NCOA4: variants seen among roughly 807,000 people sequenced by gnomAD.
NCOA4 encodes the protein 70 kDa AR-activator.
Under a neutral mutation model 69.5 loss-of-function variants are expected in NCOA4, and 31 were observed. The ratio of observed to expected loss-of-function variants is 0.45; its 90% CI spans 0.34 to 0.60. The LOEUF is 0.60. Ranked by LOEUF, NCOA4 falls within the 20% of genes least tolerant of loss-of-function variation. The pLI, the probability that NCOA4 is intolerant of heterozygous loss-of-function variation, is 0.02. For missense variants in NCOA4, 600 were observed against 719.2 expected (o/e 0.83, Z 1.90); for synonymous variants, 228 against 252.4 (o/e 0.90, Z 0.92).
chr10:46,015,114 C>T lies in NCOA4; in HGVS notation c.282+12G>A. 6.2e-7 allele frequency: 1 copy of T among 1,614,164 alleles called. No individual in the cohort carries two copies. Among genetic ancestry groups the T allele is most frequent in the Non-Finnish European group, 8.5e-7 (1 of 1,180,022 alleles). On this transcript the variant is annotated intron_variant, in intron 3 of 9. Coordinates refer to ENST00000581486, the MANE Select transcript of NCOA4 (RefSeq NM_001145263.2). ...CATGCTCAAACCAATTCTAGCCATG[C>T]AGTCACCTTACCGAGTAGAGCTGCT...
At chr10:46,020,347 A>AC (rs1839801346) in intron 1 of NCOA4, among the ~76,000 whole-genome samples, 2 of 152,138 alleles carry the variant, frequency 1.3e-5, no homozygotes, top group South Asian at 4.1e-4. Flanking sequence ...AAAAAGGGAG[A>AC]CAAGGATGGT....
At chr10:46,017,036 A>G (rs1169529385) in intron 1 of NCOA4, among the ~76,000 whole-genome samples, 1 of 152,242 alleles carries the variant, frequency 6.6e-6, no homozygotes, top group Non-Finnish European at 1.5e-5. Context: ...TAACACACAT[A>G]TAGTCATATG....
In NCOA4 at chr10:46,010,508, A is replaced by T. The variant is rs782574130; in HGVS notation, c.1413T>A (p.Thr471=). The T allele has an allele frequency of 1.2e-6, 2 of 1,614,014 alleles. No individual in the cohort carries two copies. Among genetic ancestry groups the T allele is most frequent in the Non-Finnish European group, 1.7e-6 (2 of 1,180,044 alleles). ...LCPRKEVIEQ[T]KAPKAMTPSR... is the part of the protein sequence containing the mutation. ...AAGGAGTCATTGCCTTTGGTGCTTT[A>T]GTTTGTTCTATTACTTCTTTTCTAG... Residue 471 remains threonine (T), a synonymous_variant, in exon 8 of 10, where the codon ACT becomes ACA. Coordinates refer to ENST00000581486, the MANE Select transcript of NCOA4 (RefSeq NM_001145263.2).
At chr10:46,015,102 A>G (rs1554922822) in intron 3 of NCOA4, 24 bp downstream of exon 3, 1 of 1,614,088 alleles carries the variant, frequency 6.2e-7, no homozygotes, top group Admixed American at 1.7e-5. Flanking sequence ...GCTCAAACCA[A>G]TTCTAGCCAT....
chr10:46,007,673 G>A (rs1347622994), intron 9 of NCOA4, among the ~76,000 whole-genome samples: 1 of 140,786 alleles, frequency 7.1e-6, no homozygotes, highest in Non-Finnish European at 1.5e-5. Context: ...GCACACTGCA[G>A]CCTTGACCTC....
chr10:46,025,731 T>C lies in NCOA4; in HGVS notation c.-15+4795A>G, dbSNP rs147320445. Among the ~76,000 whole-genome samples the C allele has an allele frequency of 2.3e-3, 345 of 151,040 alleles. 4 individuals are homozygous for C. Among genetic ancestry groups the C allele is most frequent in the African/African-American group, 7.9e-3 (328 of 41,410 alleles). ...CTCACTCCTCAATACTTTTGGCCAA[T>C]AGAGTTGGCTGCTCCCTCCTGCATT... On this transcript the variant is annotated intron_variant, in intron 1 of 9. Coordinates refer to ENST00000581486, the MANE Select transcript of NCOA4 (RefSeq NM_001145263.2).
rs1554922272 is a variant in NCOA4, at chr10:46,013,546, T to C, written c.570+4A>G. ...CAATTACCAAAAACAAAATGATATT[T>C]TACCTGCTCTGGCATGGAGATACAG... On this transcript the variant is annotated splice_donor_region_variant and intron_variant, in intron 6 of 9. Coordinates refer to ENST00000581486, the MANE Select transcript of NCOA4 (RefSeq NM_001145263.2). 6.2e-7 allele frequency: 1 copy of C among 1,601,178 alleles called. No individual in the cohort carries two copies. Among genetic ancestry groups the C allele is most frequent in the Non-Finnish European group, 8.6e-7 (1 of 1,169,566 alleles).
At chr10:46,014,688 T>TA (rs1839432859) in intron 4 of NCOA4, 136 bp from the exon 5 acceptor site, 8 of 769,286 alleles carry the variant, frequency 1.0e-5, no homozygotes, top group Non-Finnish European at 1.7e-5. Context: ...ATAGATGGCT[T>TA]ATTCATGTAT....
At chr10:46,007,203 A>G (rs1554919998) in intron 9 of NCOA4, among the ~76,000 whole-genome samples, 1 of 152,232 alleles carries the variant, frequency 6.6e-6, no homozygotes, top group East Asian at 1.9e-4. Flanking sequence ...TGGTCTCTAT[A>G]GGAGATCAAA....
At chr10:46,016,392 A>G (rs782196661) in intron 2 of NCOA4, 148 bp downstream of exon 2, 4 of 579,470 alleles carry the variant, frequency 6.9e-6, no homozygotes, top group African/African-American at 1.9e-5. Flanking sequence ...AGGCACCAGT[A>G]TATCAGGCAA....
rs143821997 is a variant in NCOA4 at position 46,022,410 on chromosome 10, A to G, written c.-14-5716T>C. ...AAAAATATTTTGCAATTTTACCTTGAGACTTTTTTCACTTCACACGTTCTT... is the reference window on the plus strand; with the variant it reads ...AAAAATATTTTGCAATTTTACCTTGGGACTTTTTTCACTTCACACGTTCTT... On this transcript the variant is annotated intron_variant, in intron 1 of 9. Transcript: ENST00000581486. The G allele has an allele frequency of 2.9e-5, 13 of 452,998 alleles. No individual in the cohort carries two copies. In the East Asian group the frequency reaches 9.1e-4, roughly 32 times the overall value. The allele number at this position is 452,998 out of a possible 1,614,324, so 28.1% of individuals were successfully genotyped here. A position where few individuals can be genotyped will look rare whatever the true frequency, so the allele number is the denominator to read the frequency against.
chr10:46,026,569 G>T (rs1840166944), intron 1 of NCOA4, among the ~76,000 whole-genome samples: 1 of 152,104 alleles, frequency 6.6e-6, no homozygotes, highest in Admixed American at 6.5e-5. Context: ...ATTTTATCCT[G>T]ATTTTATATG....
At chr10:46,029,056 G>A (rs115795182) in intron 1 of NCOA4, among the ~76,000 whole-genome samples, 2,231 of 151,446 alleles carry the variant, frequency 0.015, 44 homozygotes, top group African/African-American at 0.049. Context: ...AAAGGGGGGG[G>A]TGAGGGGTAC....
Position 46,006,727 on chromosome 10 carries a change from AG to A in NCOA4, c.1840-131del, listed in dbSNP as rs1234730806. 5 of 869,760 alleles carry A rather than the reference AG, an allele frequency of 5.7e-6. No individual in the cohort carries two copies. In the African/African-American group the frequency reaches 8.3e-5, roughly 14 times the overall value. The allele number at this position is 869,760 out of a possible 1,614,324, so 53.9% of individuals were successfully genotyped here. ...GTTACATTGTATTTTTTACAAATTA[AG>A]CATTTGTGTCATGAACTATGCCCAT... On this transcript the variant is annotated intron_variant, in intron 9 of 9. Transcript: ENST00000581486.
At chr10:46,022,647 A>G (rs1004060305) in intron 1 of NCOA4, 1 of 325,014 alleles carries the variant, frequency 3.1e-6, no homozygotes, top group Non-Finnish European at 6.3e-6. Context: ...TTGTATTTTT[A>G]GTAGAGACGG....
At chr10:46,014,654 C>T in intron 4 of NCOA4, 102 bp from the exon 5 acceptor site, 1 of 897,038 alleles carries the variant, frequency 1.1e-6, no homozygotes, top group Non-Finnish European at 1.7e-6. Flanking sequence ...AATGATTACA[C>T]TTCTCTAAGA....
chr10:46,012,859 G>T (rs201838473), intron 7 of NCOA4, 24 bp downstream of exon 7: 391 of 1,613,086 alleles, frequency 2.4e-4, no homozygotes, highest in Middle Eastern at 1.5e-3. Flanking sequence ...GTCTACTGTA[G>T]AAACAATAAA....
At chr10:46,019,555 T>A (rs1839752987) in intron 1 of NCOA4, 1 of 981,116 alleles carries the variant, frequency 1.0e-6, no homozygotes, top group Admixed American at 6.2e-5. Flanking sequence ...AATTGTTGCT[T>A]CACAATGTCA....
rs782614990 is a variant in NCOA4 at position 46,010,524 on chromosome 10, T to A, written c.1397A>T (p.Glu466Val). The change falls in exon 8 of 10, where the codon GAA becomes GTA. Residue 466 changes from glutamate to valine, a missense_variant. Physicochemically the swap from Glu to Val is moderately radical, Grantham distance 121 (BLOSUM62 -2). Transcript: ENST00000581486. ...SLNMWLCPRK[E>V]VIEQTKAPKA... ...TGGTGCTTTAGTTTGTTCTATTACT[T>A]CTTTTCTAGGACAGAGCCACATATT... The A allele has an allele frequency of 7.4e-6, 12 of 1,614,218 alleles. No individual in the cohort carries two copies. The South Asian group carries it at 7.7e-5, about 10-fold the overall frequency.
Sources: gnomAD v4.1 joint callset for allele counts (sites outside exome capture counted in the v4.1 genomes callset) on GRCh38, gnomAD v4.1.1 for gene constraint, MANE v1.5 for transcripts, NCBI Gene and HGNC (gene_info 2026-07-23, HGNC 2026-07-21) for gene names.